Variants in ZNF436 observed in about 807,000 individuals in gnomAD.
ZNF436 encodes DNA-binding protein.
A neutral mutation model predicts 41.9 loss-of-function variants in ZNF436; 22 were observed. That is an observed-to-expected ratio of 0.53 (90% CI 0.38 to 0.75). The LOEUF (loss-of-function observed/expected upper bound fraction) is 0.75, where lower values mean the gene tolerates loss of function less well. Among genes scored for constraint, ZNF436 ranks in the 30% least tolerant of loss-of-function variants. The pLI is 0.00. For synonymous variants in ZNF436, 217 were observed against 197.8 expected (o/e 1.10, Z -0.82); for missense variants, 506 against 587.3 (o/e 0.86, Z 1.43).
chr1:23,361,169 T>C lies in ZNF436; in HGVS notation c.*800A>G, dbSNP rs947582074. 6.6e-6 allele frequency: 1 copy of C among 152,646 alleles called. No homozygotes were observed. The highest frequency in any genetic ancestry group is 1.5e-5 in the Non-Finnish European group (1 of 68,034). 9.5% of individuals were successfully genotyped at this position (152,646 alleles called of 1,614,324 possible). On this transcript the variant is annotated 3_prime_UTR_variant, in exon 4 of 4. Coordinates refer to ENST00000314011, the MANE Select transcript of ZNF436 (RefSeq NM_001077195.2). The stretch of plus-strand genomic sequence containing the variant: ...TAACTGTCACTGATGGTCCTATCTT[T>C]TCTTGAAGATATTTTCTATACAATA...
chr1:23,362,048 G>C lies in ZNF436; in HGVS notation c.1334C>G (p.Pro445Arg), dbSNP rs200389380. Residue 445 changes from proline to arginine, a missense_variant, in exon 4 of 4, where the codon CCT (proline) becomes CGT (arginine). Physicochemically the swap from Pro to Arg is moderately radical, Grantham distance 103. This residue lies in a region of ZNF436 where 278 missense variants were observed against 372.1 expected (regional missense o/e 0.75). Coordinates refer to ENST00000314011, the MANE Select transcript of ZNF436 (RefSeq NM_001077195.2). ...CTTCTCACATTCGGTACATTCATAAGGTTTCTCTCCCGTGTGAACTCTTTG... is the reference window on the plus strand; with the variant it reads ...CTTCTCACATTCGGTACATTCATAACGTTTCTCTCCCGTGTGAACTCTTTG... Reference protein sequence around the residue: ...THQRVHTGEKPYECTECEKSF... With the variant: ...THQRVHTGEKRYECTECEKSF... 6.2e-7 allele frequency: 1 copy of C among 1,614,208 alleles called. No homozygotes were observed. The highest frequency in any genetic ancestry group is 8.5e-7 in the Non-Finnish European group (1 of 1,180,040).
At chr1:23,367,214 T>C (rs1182100311) in intron 2 of ZNF436, 46 bp from the exon 3 acceptor site, 1 of 1,532,306 alleles carries the variant, frequency 6.5e-7, no homozygotes, top group Non-Finnish European at 8.8e-7. Flanking sequence ...TTAGGACTTC[T>C]TGAAATTAGA....
At position 23,361,877 on chromosome 1, in the gene ZNF436, T is replaced by G; in HGVS notation, c.*92A>C. ...ATCGTGGCCCACAACTAGGAGAGTA[T>G]GATAAAAGCAGCTCAGTCTTGAGGG... On this transcript the variant is annotated 3_prime_UTR_variant, in exon 4 of 4. Coordinates refer to ENST00000314011, the MANE Select transcript of ZNF436 (RefSeq NM_001077195.2). The G allele has an allele frequency of 7.5e-7, 1 of 1,336,046 alleles. No homozygotes were observed. The highest frequency in any genetic ancestry group is 1.0e-6 in the Non-Finnish European group (1 of 985,522). The allele number at this position is 1,336,046 out of a possible 1,614,324, so 82.8% of individuals were successfully genotyped here.
Sources: gnomAD v4.1 joint callset for allele counts on GRCh38, gnomAD v4.1.1 for gene constraint, gnomAD v4.1.1 regional missense constraint, MANE v1.5 for transcripts, NCBI Gene and HGNC (gene_info 2026-07-23, HGNC 2026-07-21) for gene names.